Variants in GRIN2A observed in about 807,000 individuals in gnomAD.
The protein encoded by GRIN2A is glutamate receptor ionotropic, NMDA 2A.
A neutral mutation model predicts 113.4 loss-of-function variants in GRIN2A; 22 were observed. The observed-to-expected ratio is 0.19, with a 90% confidence interval of 0.14 to 0.28. The LOEUF (loss-of-function observed/expected upper bound fraction) is 0.28, where lower values mean the gene tolerates loss of function less well. Among genes scored for constraint, GRIN2A ranks in the 10% least tolerant of loss-of-function variants. The pLI is 1.00. For missense variants in GRIN2A, 1,502 were observed against 1,887.0 expected (o/e 0.80, Z 3.78); for synonymous variants, 827 against 738.4 (o/e 1.12, Z -1.94).
chr16:9,943,703 C>T (rs955784654), intron 2 of GRIN2A, among the ~76,000 whole-genome samples: 1 of 152,182 alleles, frequency 6.6e-6, no homozygotes, highest in African/African-American at 2.4e-5. Context: ...TACATGGCCC[C>T]ATGGTGATGG....
At chr16:10,037,748 C>T (rs1177612852) in intron 2 of GRIN2A, among the ~76,000 whole-genome samples, 1 of 152,074 alleles carries the variant, frequency 6.6e-6, no homozygotes, top group Non-Finnish European at 1.5e-5. Context: ...ACCTCAGCCT[C>T]CTGAGTATCT....
intron 9 of GRIN2A, among the ~76,000 whole-genome samples, chr16:9,822,810 A>C (rs1356969275): frequency 6.6e-6 from 1 of 152,128 alleles, no homozygotes; most frequent in East Asian, 1.9e-4. Flanking sequence ...TTAAGGTACT[A>C]CCTTAGTCCA....
chr16:9,983,979 T>C (rs2045937214), intron 2 of GRIN2A, among the ~76,000 whole-genome samples: 1 of 152,238 alleles, frequency 6.6e-6, no homozygotes, highest in Admixed American at 6.5e-5. Flanking sequence ...GGAAACTCCA[T>C]ACCGTTTTTC....
intron 10 of GRIN2A, among the ~76,000 whole-genome samples, chr16:9,809,254 T>TATTA (rs1193758904): frequency 6.6e-6 from 1 of 152,054 alleles, no homozygotes; most frequent in Non-Finnish European, 1.5e-5. Flanking sequence ...ACCCCATCTC[T>TATTA]ATTAAAAATA....
intron 2 of GRIN2A, among the ~76,000 whole-genome samples, chr16:9,993,154 A>C (rs1596397958): frequency 6.6e-6 from 1 of 152,170 alleles, no homozygotes; most frequent in South Asian, 2.1e-4. Flanking sequence ...AATCATTTGA[A>C]CCCTAGAGGC....
chr16:9,973,347 G>GTGTAGGTTATTTGGTGTAGGTTATTT (rs1250558808), intron 2 of GRIN2A, among the ~76,000 whole-genome samples: 1 of 152,118 alleles, frequency 6.6e-6, no homozygotes, highest in East Asian at 1.9e-4. Flanking sequence ...GGTTATTTTG[G>GTGTAGGTTATTTGGTGTAGGTTATTT]CCTACACCTC....
At chr16:10,026,912 CT>C (rs1236937368) in intron 2 of GRIN2A, among the ~76,000 whole-genome samples, 1 of 152,188 alleles carries the variant, frequency 6.6e-6, no homozygotes, top group African/African-American at 2.4e-5. Flanking sequence ...AAGTTCTCTC[CT>C]ATTCCACCTG....
At chr16:10,147,455 C>CAAAAAAAAAAAA (rs367830700) in intron 2 of GRIN2A, among the ~76,000 whole-genome samples, 44 of 72,852 alleles carry the variant, frequency 6.0e-4, no homozygotes, top group Non-Finnish European at 7.3e-4. Context: ...ACTAAAAATA[C>CAAAAAAAAAAAA]AAAAAAAAAA....
chr16:10,017,557 T>C (rs140734197), intron 2 of GRIN2A, among the ~76,000 whole-genome samples: 435 of 152,330 alleles, frequency 2.9e-3, no homozygotes, highest in Non-Finnish European at 4.3e-3. Context: ...CTGAGAAATA[T>C]GAACAGTAAC....
chr16:9,907,817 T>C (rs1015720049), intron 3 of GRIN2A, among the ~76,000 whole-genome samples: 2 of 152,130 alleles, frequency 1.3e-5, no homozygotes, highest in African/African-American at 4.8e-5. Flanking sequence ...CCTCACTTCC[T>C]CTGCAGCTCC....
intron 10 of GRIN2A, among the ~76,000 whole-genome samples, chr16:9,809,709 T>C (rs2042049833): frequency 6.6e-6 from 1 of 152,178 alleles, no homozygotes; most frequent in African/African-American, 2.4e-5. Context: ...GTGGAGATGC[T>C]GGGCATGCCA....
At chr16:10,079,622 A>G (rs1474147210) in intron 2 of GRIN2A, among the ~76,000 whole-genome samples, 5 of 152,212 alleles carry the variant, frequency 3.3e-5, no homozygotes, top group African/African-American at 1.2e-4. Context: ...ATGAAGAACA[A>G]AACAAAATGA....
chr16:9,851,833 T>C (rs1211873977), intron 4 of GRIN2A, among the ~76,000 whole-genome samples: 1 of 152,188 alleles, frequency 6.6e-6, no homozygotes, highest in Non-Finnish European at 1.5e-5. Context: ...GCAGTAAGGT[T>C]TGAATGAGCC....
intron 2 of GRIN2A, among the ~76,000 whole-genome samples, chr16:10,018,563 C>G (rs1420988632): frequency 6.6e-6 from 1 of 152,112 alleles, no homozygotes; most frequent in Non-Finnish European, 1.5e-5. Flanking sequence ...TTCACGCTGT[C>G]AACACTAATG....
At chr16:9,766,061 T>C (rs1014252630) in intron 12 of GRIN2A, among the ~76,000 whole-genome samples, 1 of 152,128 alleles carries the variant, frequency 6.6e-6, no homozygotes, top group Non-Finnish European at 1.5e-5. Flanking sequence ...ATCTGTGGCT[T>C]CCCCTGCTTC....
intron 9 of GRIN2A, among the ~76,000 whole-genome samples, chr16:9,825,764 C>T (rs908240786): frequency 4.6e-5 from 7 of 152,094 alleles, no homozygotes; most frequent in African/African-American, 1.7e-4. Context: ...GCCTGGCTGC[C>T]TGAACTGGGA....
At chr16:9,830,549 GTTAA>G (rs1326917238) in intron 8 of GRIN2A, among the ~76,000 whole-genome samples, 1 of 151,816 alleles carries the variant, frequency 6.6e-6, no homozygotes, top group Non-Finnish European at 1.5e-5. Flanking sequence ...TTAACAGGAG[GTTAA>G]TTTTTATGTC....
intron 2 of GRIN2A, among the ~76,000 whole-genome samples, chr16:9,994,235 G>A (rs1451554048): frequency 6.6e-6 from 1 of 152,180 alleles, no homozygotes; most frequent in African/African-American, 2.4e-5. Flanking sequence ...CCCTGCACCT[G>A]TCAGAATGCA....
intron 3 of GRIN2A, among the ~76,000 whole-genome samples, chr16:9,923,623 A>C (rs1041233284): frequency 1.3e-5 from 2 of 151,876 alleles, no homozygotes; most frequent in African/African-American, 4.8e-5. Flanking sequence ...ATATATTTTA[A>C]ATTTATCATG....
Sources: allele counts gnomAD v4.1 joint callset (sites outside exome capture counted in the v4.1 genomes callset), GRCh38; gene constraint gnomAD v4.1.1; transcripts MANE v1.5; gene names NCBI Gene and HGNC (gene_info 2026-07-23, HGNC 2026-07-21).